LINGO2: variants seen among roughly 807,000 people sequenced by gnomAD.
LINGO2 encodes leucine-rich repeat and immunoglobulin-like domain-containing nogo receptor-interacting protein 2.
Under a neutral mutation model 30.6 loss-of-function variants are expected in LINGO2, and 14 were observed. The ratio of observed to expected loss-of-function variants is 0.46; its 90% confidence interval spans 0.30 to 0.72. The LOEUF is 0.72. LINGO2 is among the 30% of genes least tolerant of loss of function. The probability of loss-of-function intolerance (pLI) is 0.07; values close to 1 mark genes in which losing one functional copy is unlikely to be tolerated. For missense variants in LINGO2, 729 were observed against 751.7 expected, an observed-to-expected ratio of 0.97 and a Z score of 0.35; for synonymous variants, 317 against 288.5, an observed-to-expected ratio of 1.10 and a Z score of -1.00.
chr9:28,738,238 C>T, the LINGO2 span, among the ~76,000 whole-genome samples: 1 of 152,086 alleles, frequency 6.6e-6, no homozygotes, highest in Non-Finnish European at 1.5e-5. Context: ...TTCCTGAAAT[C>T]CTGAGATCTA....
chr9:28,981,423 T>A, the LINGO2 span, among the ~76,000 whole-genome samples: 1 of 152,144 alleles, frequency 6.6e-6, no homozygotes, highest in Non-Finnish European at 1.5e-5. Context: ...CTGAACAACA[T>A]TTCCTTAATG....
chr9:28,961,058 C>T, the LINGO2 span, among the ~76,000 whole-genome samples: 26 of 152,150 alleles, frequency 1.7e-4, no homozygotes, highest in African/African-American at 5.3e-4. Flanking sequence ...CTGATATGCT[C>T]ATGTAGATTT....
chr9:29,028,450 C>T, the LINGO2 span, among the ~76,000 whole-genome samples: 1 of 148,070 alleles, frequency 6.8e-6, no homozygotes, highest in Non-Finnish European at 1.5e-5. Context: ...GAGAGAGACA[C>T]AGAGAGAGAC....
chr9:28,506,706 T>C (rs1820154521), intron 1 of LINGO2, among the ~76,000 whole-genome samples: 1 of 151,252 alleles, frequency 6.6e-6, no homozygotes, highest in African/African-American at 2.4e-5. Flanking sequence ...CTGATATATA[T>C]CACACAGAAA....
the LINGO2 span, among the ~76,000 whole-genome samples, chr9:28,684,352 T>C: frequency 6.6e-6 from 1 of 150,918 alleles, no homozygotes; most frequent in Non-Finnish European, 1.5e-5. Context: ...CACGCCCGGC[T>C]AATTTTTTGT....
chr9:28,028,115 A>G (rs1042127852), intron 4 of LINGO2, among the ~76,000 whole-genome samples: 1 of 152,170 alleles, frequency 6.6e-6, no homozygotes, highest in African/African-American at 2.4e-5. Context: ...AACTGTTTTC[A>G]TCACTCATGC....
chr9:28,601,637 T>G (rs1252267338), intron 1 of LINGO2, among the ~76,000 whole-genome samples: 1 of 152,098 alleles, frequency 6.6e-6, no homozygotes, highest in Non-Finnish European at 1.5e-5. Context: ...TACTTTATTA[T>G]ACCATTTCAC....
At chr9:28,791,080 G>T in the LINGO2 span, among the ~76,000 whole-genome samples, 6,260 of 152,126 alleles carry the variant, frequency 0.041, 190 homozygotes, top group Admixed American at 0.08. Flanking sequence ...CTATGCGAAT[G>T]TATGTATAAA....
chr9:28,383,254 T>TTTTGTGTGTGTGTGTGTGTG (rs1554714265), intron 2 of LINGO2, among the ~76,000 whole-genome samples: 2 of 73,638 alleles, frequency 2.7e-5, no homozygotes, highest in African/African-American at 6.9e-5. Flanking sequence ...TCACCATTCA[T>TTTTGTGTGTGTGTGTGTGTG]TGTGTGTGTG....
chr9:28,627,262 T>C (rs956142997), intron 1 of LINGO2, among the ~76,000 whole-genome samples: 3 of 152,146 alleles, frequency 2.0e-5, no homozygotes, highest in Non-Finnish European at 2.9e-5. Flanking sequence ...ATATAATACG[T>C]TTTAATGTTG....
rs528776929 is a variant in LINGO2 at position 27,973,310 on chromosome 9, A to G, written c.-35-22604T>C. 3.9e-5 allele frequency among the ~76,000 whole-genome samples: 6 copies of G among 152,306 alleles called. No individual in the cohort carries two copies. The East Asian group carries it at 9.7e-4, about 25-fold the overall frequency. On this transcript the variant is annotated intron_variant, in intron 5 of 5. Coordinates refer to ENST00000379992, the Ensembl canonical transcript of LINGO2. ...TACTAAGAAGTCATCCTGGAAGAGT[A>G]TAACAGGGAAGAATATTTGTTCTGA...
At chr9:28,713,823 C>T in the LINGO2 span, among the ~76,000 whole-genome samples, 1 of 152,060 alleles carries the variant, frequency 6.6e-6, no homozygotes, top group African/African-American at 2.4e-5. Flanking sequence ...AATAATTCTA[C>T]TGTCTTACTA....
At chr9:28,853,552 T>C in the LINGO2 span, among the ~76,000 whole-genome samples, 1 of 151,948 alleles carries the variant, frequency 6.6e-6, no homozygotes, top group African/African-American at 2.4e-5. Context: ...CTCACATTGG[T>C]ATAAGAAAAT....
chr9:28,284,785 A>G (rs1231477783), intron 4 of LINGO2, among the ~76,000 whole-genome samples: 1 of 152,200 alleles, frequency 6.6e-6, no homozygotes, highest in Admixed American at 6.5e-5. Flanking sequence ...TTATGATCCA[A>G]AAGACTATTA....
chr9:28,174,246 C>T (rs957937435), intron 4 of LINGO2, among the ~76,000 whole-genome samples: 1 of 152,282 alleles, frequency 6.6e-6, no homozygotes, highest in South Asian at 2.1e-4. Context: ...GCTTCTATTT[C>T]TGCATTAATT....
the LINGO2 span, among the ~76,000 whole-genome samples, chr9:28,930,598 A>G: frequency 2.0e-5 from 3 of 152,320 alleles, no homozygotes; most frequent in South Asian, 2.1e-4. This position sits in a 1 kb window ranked among gnomAD's most constrained non-coding sequence, Gnocchi z 4.2. Context: ...AGCTCCTTTC[A>G]AGGCAGAAGT....
At chr9:27,942,661 A>G in the LINGO2 span, 1 of 152,142 alleles carries the variant, frequency 6.6e-6, no homozygotes, top group African/African-American at 2.4e-5. Flanking sequence ...CAATCATGGG[A>G]TATTCTCAAA....
At chr9:28,925,453 C>G in the LINGO2 span, among the ~76,000 whole-genome samples, 1 of 152,182 alleles carries the variant, frequency 6.6e-6, no homozygotes, top group African/African-American at 2.4e-5. Flanking sequence ...AAACTCAACA[C>G]TGGGGCGTGG....
At chr9:28,396,297 CAG>C (rs1317330685) in intron 2 of LINGO2, among the ~76,000 whole-genome samples, 2 of 152,120 alleles carry the variant, frequency 1.3e-5, no homozygotes, top group East Asian at 1.9e-4. Context: ...AGTAAGGAAA[CAG>C]AGATATATGG....
Sources: gnomAD v4.1 joint callset for allele counts (sites outside exome capture counted in the v4.1 genomes callset) on GRCh38, gnomAD v4.1.1 for gene constraint, Gnocchi (gnomAD v3.1) non-coding constraint, MANE v1.5 for transcripts, NCBI Gene and HGNC (gene_info 2026-07-23, HGNC 2026-07-21) for gene names.